Variants in TAFA2 observed in about 807,000 individuals in gnomAD.
The protein encoded by TAFA2 is chemokine-like protein TAFA-2.
In TAFA2, 7 loss-of-function variants were observed where a neutral mutation model predicts 18.8. That is an observed-to-expected ratio of 0.37 (90% confidence interval 0.21 to 0.70). TAFA2 has a LOEUF of 0.70. TAFA2 is among the 30% of genes least tolerant of loss of function. The pLI is 0.53. For missense variants in TAFA2, 122 were observed against 158.1 expected (o/e 0.77, Z 1.23); for synonymous variants, 60 against 54.2 (o/e 1.11, Z -0.47).
intron 2 of TAFA2, among the ~76,000 whole-genome samples, chr12:61,834,972 A>G (rs1276918222): frequency 6.6e-6 from 1 of 151,712 alleles, no homozygotes; most frequent in East Asian, 1.9e-4. Flanking sequence ...TCATTTTCTT[A>G]ATTTTTCTTC....
intron 2 of TAFA2, among the ~76,000 whole-genome samples, chr12:61,774,301 T>C (rs1015408330): frequency 2.6e-5 from 4 of 151,936 alleles, no homozygotes; most frequent in African/African-American, 9.7e-5. Flanking sequence ...AGATCTACCA[T>C]TTGATCTAGC....
intron 4 of TAFA2, among the ~76,000 whole-genome samples, chr12:61,737,243 T>C (rs1036959872): frequency 3.9e-5 from 6 of 151,978 alleles, no homozygotes; most frequent in African/African-American, 1.4e-4. Flanking sequence ...TTAAGTTTTT[T>C]TCTATTACAT....
chr12:61,897,260 A>T (rs1044985348), intron 1 of TAFA2, among the ~76,000 whole-genome samples: 2 of 152,136 alleles, frequency 1.3e-5, no homozygotes, highest in Admixed American at 1.3e-4. Context: ...GTATTATTTC[A>T]ATTTGTTTGG....
intron 1 of TAFA2, among the ~76,000 whole-genome samples, chr12:62,249,523 T>C (rs2136993890): frequency 6.6e-6 from 1 of 152,274 alleles, no homozygotes; most frequent in South Asian, 2.1e-4. Context: ...GCTCTCCCAC[T>C]TTTCCTCTCT....
intron 1 of TAFA2, among the ~76,000 whole-genome samples, chr12:61,978,580 A>G (rs1460796936): frequency 6.6e-6 from 1 of 152,084 alleles, no homozygotes; most frequent in African/African-American, 2.4e-5. Flanking sequence ...CGCACACATT[A>G]GAACTGGATT....
chr12:61,830,221 A>G (rs985348663), intron 2 of TAFA2, among the ~76,000 whole-genome samples: 1 of 150,110 alleles, frequency 6.7e-6, no homozygotes, highest in Non-Finnish European at 1.5e-5. Flanking sequence ...GTATATGTAT[A>G]TATTATATAT....
chr12:62,221,695 AAG>A (rs2073761615), intron 1 of TAFA2, among the ~76,000 whole-genome samples: 1 of 152,182 alleles, frequency 6.6e-6, no homozygotes, highest in Non-Finnish European at 1.5e-5. Context: ...AGGATCAGAG[AAG>A]TAAATATAAA....
chr12:62,250,113 C>T (rs971399534), intron 1 of TAFA2, among the ~76,000 whole-genome samples: 6 of 152,186 alleles, frequency 3.9e-5, no homozygotes, highest in Admixed American at 6.5e-5. Context: ...GGCAGAAGGA[C>T]TTCTTTTAGC....
At chr12:61,795,929 C>A (rs1871170665) in intron 2 of TAFA2, among the ~76,000 whole-genome samples, 1 of 151,996 alleles carries the variant, frequency 6.6e-6, no homozygotes, top group South Asian at 2.1e-4. Flanking sequence ...TGACTTTCAA[C>A]ATACCTATTA....
intron 1 of TAFA2, among the ~76,000 whole-genome samples, chr12:61,986,652 G>GT (rs1315789499): frequency 9.7e-6 from 1 of 102,704 alleles, no homozygotes; most frequent in East Asian, 2.6e-4. Flanking sequence ...ATGAGACTTA[G>GT]TTAAAAAAAA....
chr12:62,205,283 T>C (rs996154294), intron 1 of TAFA2, among the ~76,000 whole-genome samples: 2 of 152,256 alleles, frequency 1.3e-5, no homozygotes, highest in African/African-American at 4.8e-5. Context: ...TGACCACTCT[T>C]GGGGGGGTCT....
chr12:61,922,278 G>C (rs536214315), intron 1 of TAFA2, among the ~76,000 whole-genome samples: 1 of 152,112 alleles, frequency 6.6e-6, no homozygotes, highest in African/African-American at 2.4e-5. Context: ...TTATCTCCTC[G>C]GGGTGAAAGG....
At chr12:62,018,388 A>G (rs1881008822) in intron 1 of TAFA2, among the ~76,000 whole-genome samples, 1 of 152,194 alleles carries the variant, frequency 6.6e-6, no homozygotes, top group African/African-American at 2.4e-5. Flanking sequence ...ATTTATTCAC[A>G]CAAAATCAAG....
At chr12:61,746,622 C>T (rs142714144) in intron 4 of TAFA2, among the ~76,000 whole-genome samples, 3 of 152,128 alleles carry the variant, frequency 2.0e-5, no homozygotes, top group Non-Finnish European at 4.4e-5. Flanking sequence ...GGACATCTGA[C>T]CTAAAGATAA....
At chr12:61,949,298 T>C (rs555540828) in intron 1 of TAFA2, among the ~76,000 whole-genome samples, 2 of 152,214 alleles carry the variant, frequency 1.3e-5, no homozygotes, top group Admixed American at 1.3e-4. Flanking sequence ...TCAGCTCTTC[T>C]TGGGTTTCAA....
chr12:61,962,873 A>T (rs1358977926), intron 1 of TAFA2, among the ~76,000 whole-genome samples: 1 of 151,834 alleles, frequency 6.6e-6, no homozygotes, highest in Non-Finnish European at 1.5e-5. Flanking sequence ...TACATTAGGT[A>T]TTTCTCCCAA....
intron 1 of TAFA2, among the ~76,000 whole-genome samples, chr12:62,175,993 C>A: frequency 6.6e-6 from 1 of 151,952 alleles, no homozygotes; most frequent in Admixed American, 6.6e-5. Context: ...GAAAATACAA[C>A]ATAGGTGTAA....
chr12:62,156,080 A>G (rs760761178), intron 1 of TAFA2, among the ~76,000 whole-genome samples: 1 of 152,170 alleles, frequency 6.6e-6, no homozygotes, highest in Non-Finnish European at 1.5e-5. Context: ...TCTACAACAA[A>G]CTCAAACAAA....
intron 2 of TAFA2, among the ~76,000 whole-genome samples, chr12:61,771,050 A>T (rs1382867420): frequency 6.6e-6 from 1 of 152,116 alleles, no homozygotes; most frequent in Non-Finnish European, 1.5e-5. Flanking sequence ...GGAGTAGAAA[A>T]AGATATTCCA....
Sources: gnomAD v4.1 joint callset for allele counts (sites outside exome capture counted in the v4.1 genomes callset) on GRCh38, gnomAD v4.1.1 for gene constraint, MANE v1.5 for transcripts, NCBI Gene and HGNC (gene_info 2026-07-23, HGNC 2026-07-21) for gene names.